Variants in RASAL2 observed in about 807,000 individuals in gnomAD.
RASAL2 encodes the protein ras GTPase-activating protein nGAP.
Under a neutral mutation model 128.9 loss-of-function variants are expected in RASAL2, and 58 were observed. The observed-to-expected ratio is 0.45, with a 90% CI of 0.36 to 0.56. The LOEUF (loss-of-function observed/expected upper bound fraction) is 0.56, where lower values mean the gene tolerates loss of function less well. RASAL2 is among the 20% of genes least tolerant of loss of function. The probability of loss-of-function intolerance (pLI) is 0.00; values close to 1 mark genes in which losing one functional copy is unlikely to be tolerated. For missense variants in RASAL2, 1,360 were observed against 1,601.6 expected (o/e 0.85, Z 2.57); for synonymous variants, 561 against 580.8 (o/e 0.97, Z 0.49).
At chr1:178,280,551 T>C (rs1174649444) in intron 1 of RASAL2, among the ~76,000 whole-genome samples, 2 of 152,070 alleles carry the variant, frequency 1.3e-5, no homozygotes, top group Admixed American at 1.3e-4. Context: ...TTTTAAAGCC[T>C]AAAGGAGTCC....
At chr1:178,131,763 G>T (rs1171684016) in intron 1 of RASAL2, among the ~76,000 whole-genome samples, 8 of 152,224 alleles carry the variant, frequency 5.3e-5, no homozygotes. Flanking sequence ...CACATGAATT[G>T]TGAGTAGCTG....
chr1:178,118,847 A>G (rs555384453), intron 1 of RASAL2, among the ~76,000 whole-genome samples: 71 of 115,806 alleles, frequency 6.1e-4, no homozygotes, highest in African/African-American at 2.4e-3. Context: ...ATGTCACACA[A>G]TTGAGCAGGT....
intron 1 of RASAL2, among the ~76,000 whole-genome samples, chr1:178,170,497 T>TAAACTATTTAATATTTATTCATATGTA (rs1661669815): frequency 6.6e-6 from 1 of 151,822 alleles, no homozygotes; most frequent in Non-Finnish European, 1.5e-5. Flanking sequence ...TTAGGGGGAT[T>TAAACTATTTAATATTTATTCATATGTA]AAACTATTTA....
chr1:178,208,116 G>T (rs118075420), intron 1 of RASAL2, among the ~76,000 whole-genome samples: 2 of 152,142 alleles, frequency 1.3e-5, no homozygotes, highest in South Asian at 4.1e-4. Flanking sequence ...TGTACAAATC[G>T]ATTGTAAAAT....
At chr1:178,266,132 T>C (rs1361774427) in intron 1 of RASAL2, among the ~76,000 whole-genome samples, 1 of 152,218 alleles carries the variant, frequency 6.6e-6, no homozygotes, top group Admixed American at 6.5e-5. Flanking sequence ...AGGAGTAGAA[T>C]TGCTAGATAT....
Position 178,443,016 on chromosome 1 carries a change from CA to C in RASAL2, c.1272del (p.Gly425GlufsTer46). ...WYPVSTPTPN[K>X]GKTGGPSIRI... The stretch of plus-strand genomic sequence containing the variant: ...ATCCAGTGAGTACACCTACACCCAA[CA>C]AAGGAAAGACAGGAGGACCTTCTAT... On this transcript the variant is annotated frameshift_variant, in exon 8 of 18. Transcript: ENST00000367649. LOFTEE classifies it high-confidence loss of function. 1 of 1,614,046 alleles carries C rather than the reference CA, an allele frequency of 6.2e-7. No individual in the cohort carries two copies. Among genetic ancestry groups the C allele is most frequent in the Non-Finnish European group, 8.5e-7 (1 of 1,179,964 alleles).
intron 9 of RASAL2, among the ~76,000 whole-genome samples, chr1:178,448,592 T>A (rs1026211947): frequency 7.9e-5 from 12 of 152,164 alleles, no homozygotes; most frequent in African/African-American, 2.9e-4. Flanking sequence ...CATAAAGAGC[T>A]TATTACAGCC....
At position 178,197,463 on chromosome 1, in the gene RASAL2, A is replaced by G. The variant is rs1662698169; in HGVS notation, c.203-86101A>G. Among the ~76,000 whole-genome samples, 19 of 151,228 alleles carry G rather than the reference A, an allele frequency of 1.3e-4. No individual in the cohort carries two copies. In the South Asian group the frequency reaches 3.8e-3, roughly 30 times the overall value. ...AGCGAGACTCTGTCTCGAAAAAAAAACCAGGCGTGGTGGTGTGCACCTGTA... is the reference window on the plus strand; with the variant it reads ...AGCGAGACTCTGTCTCGAAAAAAAAGCCAGGCGTGGTGGTGTGCACCTGTA... On this transcript the variant is annotated intron_variant, in intron 1 of 17. Transcript: ENST00000367649.
intron 3 of RASAL2, among the ~76,000 whole-genome samples, chr1:178,342,573 G>C (rs1669941627): frequency 6.6e-6 from 1 of 152,078 alleles, no homozygotes; most frequent in African/African-American, 2.4e-5. Context: ...TATTTATCAA[G>C]AGGAAAAAAT....
At chr1:178,402,579 C>G (rs1673711388) in intron 4 of RASAL2, among the ~76,000 whole-genome samples, 2 of 152,010 alleles carry the variant, frequency 1.3e-5, no homozygotes, top group Non-Finnish European at 2.9e-5. Context: ...ATGTATTTCC[C>G]CACTTCTTTC....
chr1:178,280,530 G>T (rs1286649665), intron 1 of RASAL2, among the ~76,000 whole-genome samples: 2 of 152,046 alleles, frequency 1.3e-5, no homozygotes, highest in Middle Eastern at 3.4e-3. Flanking sequence ...ATATACTGAA[G>T]TCCTCAGTAA....
At chr1:178,306,409 A>G (rs1261094561) in intron 3 of RASAL2, among the ~76,000 whole-genome samples, 2 of 152,322 alleles carry the variant, frequency 1.3e-5, no homozygotes, top group Non-Finnish European at 2.9e-5. Context: ...TTGGGTATAT[A>G]CCCAGTAATG....
chr1:178,151,622 T>G (rs768974194), intron 1 of RASAL2, among the ~76,000 whole-genome samples: 1 of 152,188 alleles, frequency 6.6e-6, no homozygotes, highest in Non-Finnish European at 1.5e-5. Flanking sequence ...GATTGTATAT[T>G]GTGGTAGCTC....
intron 9 of RASAL2, among the ~76,000 whole-genome samples, chr1:178,448,700 G>C (rs1209435550): frequency 2.6e-5 from 4 of 151,468 alleles, no homozygotes; most frequent in Non-Finnish European, 5.9e-5. Context: ...CCATTCTATG[G>C]AGATAGGAGT....
intron 1 of RASAL2, among the ~76,000 whole-genome samples, chr1:178,128,113 T>C (rs539904996): frequency 6.6e-6 from 1 of 152,242 alleles, no homozygotes; most frequent in Non-Finnish European, 1.5e-5. Context: ...TTCTTCTGAC[T>C]TCAATGAAGT....
chr1:178,248,876 T>A (rs951303873), intron 1 of RASAL2, among the ~76,000 whole-genome samples: 1 of 152,240 alleles, frequency 6.6e-6, no homozygotes, highest in East Asian at 1.9e-4. Context: ...CCCCACTCTC[T>A]TCTGGCTTGT....
chr1:178,364,327 G>A (rs749633165), intron 3 of RASAL2, among the ~76,000 whole-genome samples: 8 of 152,148 alleles, frequency 5.3e-5, no homozygotes, highest in South Asian at 2.1e-4. Context: ...TCTGAGTGTC[G>A]GCTCTGGAAT....
chr1:178,156,946 T>C (rs1661105693), intron 1 of RASAL2, among the ~76,000 whole-genome samples: 1 of 152,196 alleles, frequency 6.6e-6, no homozygotes, highest in Non-Finnish European at 1.5e-5. Flanking sequence ...TAATGTATTA[T>C]TTAATCTATA....
At chr1:178,408,087 T>C (rs74485402) in intron 4 of RASAL2, among the ~76,000 whole-genome samples, 7,586 of 152,286 alleles carry the variant, frequency 0.05, 223 homozygotes, top group South Asian at 0.086. Flanking sequence ...ATTAAATTAT[T>C]TTAGTTGTAT....
Sources: allele counts gnomAD v4.1 joint callset (sites outside exome capture counted in the v4.1 genomes callset), GRCh38; gene constraint gnomAD v4.1.1; transcripts MANE v1.5; gene names NCBI Gene and HGNC (gene_info 2026-07-23, HGNC 2026-07-21).